SYNPO: variants seen among roughly 807,000 people sequenced by gnomAD.
SYNPO encodes the protein synaptopodin.
In SYNPO, 19 loss-of-function variants were observed where a neutral mutation model predicts 49.5. The ratio of observed to expected loss-of-function variants is 0.38; its 90% CI spans 0.27 to 0.56. The LOEUF (loss-of-function observed/expected upper bound fraction) is 0.56. Ranked by LOEUF, SYNPO falls within the 20% of genes least tolerant of loss-of-function variation. The probability of loss-of-function intolerance (pLI) is 0.68; values close to 1 mark genes in which losing one functional copy is unlikely to be tolerated. For missense variants in SYNPO, 1,131 were observed against 1,248.3 expected, an observed-to-expected ratio of 0.91 and a Z score of 1.42; for synonymous variants, 536 against 548.0, an observed-to-expected ratio of 0.98 and a Z score of 0.31.
At chr5:150,652,474 T>C in intron 2 of SYNPO, 1 of 909,268 alleles carries the variant, frequency 1.1e-6, no homozygotes, top group Non-Finnish European at 1.3e-6. Context: ...GCGTGCTGCC[T>C]GCACCTGCCG....
rs1007309663 is a variant in SYNPO, at chr5:150,656,701, G to A, written c.2326G>A (p.Gly776Ser). ...CAAGAGCGCCTCCCCGCGGTCGGCG[G>A]GCGCCGAGAACCCGCGGCCCTTCTC... ...RRKSASPRSA[G>S]AENPRPFSPP... Residue 776 changes from glycine to serine, a missense_variant, in exon 3 of 3, where the codon GGC (glycine) becomes AGC (serine). Physicochemically the swap from Gly to Ser is moderately conservative, Grantham distance 56. Coordinates refer to ENST00000307662, the MANE Select transcript of SYNPO (RefSeq NM_007286.6). The A allele has an allele frequency of 6.9e-6, 10 of 1,451,686 alleles. No homozygotes were observed. The highest frequency in any genetic ancestry group is 9.0e-6 in the Non-Finnish European group (10 of 1,105,660). The allele number at this position is 1,451,686 out of a possible 1,614,324, so 89.9% of individuals were successfully genotyped here.
At chr5:150,627,661 T>G (rs897464918) in intron 2 of SYNPO, among the ~76,000 whole-genome samples, 4 of 151,374 alleles carry the variant, frequency 2.6e-5, no homozygotes, top group African/African-American at 9.7e-5. Flanking sequence ...CTACCGGGGG[T>G]TGGTGATTAG....
upstream of SYNPO, among the ~76,000 whole-genome samples, chr5:150,637,189 G>C: frequency 6.6e-6 from 1 of 152,156 alleles, no homozygotes; most frequent in East Asian, 1.9e-4. Context: ...GATTGGATTT[G>C]GTAAAGGAGG....
rs1554106604 is a variant in SYNPO at position 150,602,997 on chromosome 5, G to GTGTGTGT, written c.-266+1809_-266+1810insTGTGTGT. On this transcript the variant is annotated intron_variant, in intron 1 of 2. Coordinates refer to the SYNPO transcript ENST00000394243. The stretch of plus-strand genomic sequence containing the variant: ...GTGGAAAGCCCAGTTGCCACCTTAG[G>GTGTGTGT]GTGTGTGTGTGTGTGTGTGTGTGTG... Among the ~76,000 whole-genome samples, 80 of 131,250 alleles carry GTGTGTGT rather than the reference G, an allele frequency of 6.1e-4. 1 individual carries two copies. Among genetic ancestry groups the GTGTGTGT allele is most frequent in the African/African-American group, 2.3e-3 (79 of 33,808 alleles). The allele number at this position is 131,250 out of a possible 152,430, so 86.1% of individuals were successfully genotyped here. A position where few individuals can be genotyped will look rare whatever the true frequency, so the allele number is the denominator to read the frequency against.
rs1277679165 is a variant in SYNPO, at chr5:150,658,539, G to A, written c.*1452G>A. 1 of 152,410 alleles carries A rather than the reference G, an allele frequency of 6.6e-6. No homozygotes were observed. Among genetic ancestry groups the A allele is most frequent in the African/African-American group, 2.4e-5 (1 of 41,440 alleles). 9.4% of individuals were successfully genotyped at this position (152,410 alleles called of 1,614,324 possible). A position where few individuals can be genotyped will look rare whatever the true frequency, so the allele number is the denominator to read the frequency against. On this transcript the variant is annotated 3_prime_UTR_variant, in exon 3 of 3. Coordinates refer to ENST00000307662, the MANE Select transcript of SYNPO (RefSeq NM_007286.6). ...GGGACTCAGGGAGGAATATGGCTGA[G>A]TTCTGTAGTTTCCAGAGTTGGCTGG...
At chr5:150,588,284 C>T in the SYNPO span, among the ~76,000 whole-genome samples, 3 of 152,178 alleles carry the variant, frequency 2.0e-5, no homozygotes, top group African/African-American at 7.2e-5. Flanking sequence ...CTCTGGTGTG[C>T]CCCGGGGGTC....
At chr5:150,620,145 T>C (rs1757107554) in intron 2 of SYNPO, among the ~76,000 whole-genome samples, 1 of 152,196 alleles carries the variant, frequency 6.6e-6, no homozygotes, top group African/African-American at 2.4e-5. Flanking sequence ...TGAGCTCTAC[T>C]TTCCTCCTCT....
At chr5:150,593,995 T>C in the SYNPO span, among the ~76,000 whole-genome samples, 1 of 152,154 alleles carries the variant, frequency 6.6e-6, no homozygotes, top group African/African-American at 2.4e-5. Flanking sequence ...AGTGAGGTGA[T>C]AATGAAGTCA....
chr5:150,646,538 A>G (rs1229306701), intron 1 of SYNPO, among the ~76,000 whole-genome samples: 1 of 151,846 alleles, frequency 6.6e-6, no homozygotes, highest in Non-Finnish European at 1.5e-5. Context: ...CCTAAGCAAC[A>G]TGGTGAAACC....
At chr5:150,611,204 A>T (rs1363962506) in intron 1 of SYNPO, among the ~76,000 whole-genome samples, 1 of 152,140 alleles carries the variant, frequency 6.6e-6, no homozygotes, top group African/African-American at 2.4e-5. Flanking sequence ...TTATTTATTT[A>T]TCTGTCCACC....
upstream of SYNPO, among the ~76,000 whole-genome samples, chr5:150,636,070 A>G (rs575369660): frequency 3.3e-5 from 5 of 152,166 alleles, no homozygotes; most frequent in South Asian, 1.0e-3. Flanking sequence ...TGTATTTATT[A>G]TCTTGTTCCC....
At chr5:150,620,734 G>A (rs2151371434) in intron 2 of SYNPO, among the ~76,000 whole-genome samples, 1 of 152,282 alleles carries the variant, frequency 6.6e-6, no homozygotes, top group South Asian at 2.1e-4. Flanking sequence ...TACTCTCAAG[G>A]CAGGCAGGTA....
chr5:150,623,029 A>G (rs1356488236), intron 2 of SYNPO, among the ~76,000 whole-genome samples: 1 of 152,206 alleles, frequency 6.6e-6, no homozygotes, highest in Non-Finnish European at 1.5e-5. Context: ...ACACACTGGC[A>G]CATACCTTCC....
At chr5:150,618,506 C>A (rs894742615) in exon 2 of SYNPO, 1 of 1,551,176 alleles carries the variant, frequency 6.4e-7, no homozygotes, top group African/African-American at 1.4e-5. Flanking sequence ...GGAGGGCCTG[C>A]AGGGAGAGGT....
chr5:150,655,709 G>A (rs1561661854), intron 2 of SYNPO, among the ~76,000 whole-genome samples: 1 of 152,186 alleles, frequency 6.6e-6, no homozygotes, highest in Non-Finnish European at 1.5e-5. Context: ...CTGGAGTGCG[G>A]TGGCACGATG....
chr5:150,638,268 T>C (rs1378708958), upstream of SYNPO, among the ~76,000 whole-genome samples: 2 of 152,188 alleles, frequency 1.3e-5, no homozygotes, highest in Non-Finnish European at 2.9e-5. Flanking sequence ...AGGTTGTATG[T>C]TCTCCCCTCA....
intron 1 of SYNPO, among the ~76,000 whole-genome samples, chr5:150,604,209 G>A (rs1389194680): frequency 3.9e-5 from 6 of 152,248 alleles, no homozygotes; most frequent in African/African-American, 7.2e-5. Flanking sequence ...GCATGGGCAC[G>A]GTTATAGAGA....
At chr5:150,647,619 G>A (rs2151420550) in intron 1 of SYNPO, among the ~76,000 whole-genome samples, 1 of 152,330 alleles carries the variant, frequency 6.6e-6, no homozygotes, top group East Asian at 1.9e-4. Flanking sequence ...GACACGGTGG[G>A]ACTTCTAGGG....
intron 2 of SYNPO, among the ~76,000 whole-genome samples, chr5:150,628,256 T>G (rs1293519764): frequency 6.6e-6 from 1 of 152,134 alleles, no homozygotes; most frequent in Non-Finnish European, 1.5e-5. Context: ...AGCTTCAGCT[T>G]TTCCACTCGG....
Sources: allele counts gnomAD v4.1 joint callset (sites outside exome capture counted in the v4.1 genomes callset), GRCh38; gene constraint gnomAD v4.1.1; transcripts MANE v1.5; gene names NCBI Gene and HGNC (gene_info 2026-07-23, HGNC 2026-07-21).